Variants in B3GALT1 observed in about 807,000 individuals in gnomAD.
B3GALT1 encodes the protein beta-1,3-galactosyltransferase 1.
In B3GALT1, 10 loss-of-function variants were observed where a neutral mutation model predicts 23.2. The observed-to-expected ratio is 0.43, with a 90% CI of 0.27 to 0.73. B3GALT1 has a LOEUF of 0.73. Ranked by LOEUF, B3GALT1 falls within the 30% of genes least tolerant of loss-of-function variation. B3GALT1 has a pLI of 0.21. For synonymous variants in B3GALT1, 156 were observed against 141.5 expected, an observed-to-expected ratio of 1.10 and a Z score of -0.73; for missense variants, 299 against 405.4, an observed-to-expected ratio of 0.74 and a Z score of 2.25.
intron 2 of B3GALT1, among the ~76,000 whole-genome samples, chr2:167,598,123 A>G (rs1005039829): frequency 6.6e-5 from 10 of 152,186 alleles, no homozygotes; most frequent in African/African-American, 1.9e-4. Context: ...TCTAGCAGAT[A>G]TTATGTGGAT....
intron 1 of B3GALT1, among the ~76,000 whole-genome samples, chr2:167,339,109 A>G (rs6743941): frequency 0.85 from 129,016 of 152,066 alleles, 56,269 homozygotes; most frequent in Non-Finnish European, 0.96. Flanking sequence ...TTTTATGTGT[A>G]TACTCCGAAG....
At chr2:167,650,993 C>A (rs1433824626) in intron 3 of B3GALT1, among the ~76,000 whole-genome samples, 1 of 151,846 alleles carries the variant, frequency 6.6e-6, no homozygotes, top group African/African-American at 2.4e-5. Flanking sequence ...TGCTTTAAAA[C>A]AAAATTCTTA....
chr2:167,655,682 A>T (rs182820311), intron 3 of B3GALT1, among the ~76,000 whole-genome samples: 76 of 152,294 alleles, frequency 5.0e-4, no homozygotes, highest in African/African-American at 1.7e-3. Flanking sequence ...ATGGGAGGCT[A>T]ACATCTTCCA....
At chr2:167,668,599 G>A (rs1271236770) in intron 3 of B3GALT1, among the ~76,000 whole-genome samples, 1 of 152,126 alleles carries the variant, frequency 6.6e-6, no homozygotes, top group Non-Finnish European at 1.5e-5. Flanking sequence ...AGCAATCAGC[G>A]AGACTCCGTG....
intron 4 of B3GALT1, among the ~76,000 whole-genome samples, chr2:167,836,136 A>C (rs1254725675): frequency 6.6e-6 from 1 of 152,224 alleles, no homozygotes; most frequent in Admixed American, 6.5e-5. Flanking sequence ...TCCTCCTCCA[A>C]AGTATCGCAG....
At chr2:167,630,862 G>A (rs138302308) in intron 2 of B3GALT1, among the ~76,000 whole-genome samples, 4 of 151,722 alleles carry the variant, frequency 2.6e-5, no homozygotes, top group Non-Finnish European at 5.9e-5. Context: ...GCCAAGGAGT[G>A]TACAGAATAG....
At chr2:167,525,428 TA>T (rs1461956205) in intron 2 of B3GALT1, among the ~76,000 whole-genome samples, 2 of 152,222 alleles carry the variant, frequency 1.3e-5, no homozygotes, top group African/African-American at 4.8e-5. Flanking sequence ...TATTTTGTAA[TA>T]TTTTTAAATT....
chr2:167,377,884 G>A (rs537658581), intron 1 of B3GALT1, among the ~76,000 whole-genome samples: 2 of 152,232 alleles, frequency 1.3e-5, no homozygotes, highest in East Asian at 3.9e-4. Flanking sequence ...TGGCTGCTAT[G>A]TAGTTTGTAC....
intron 2 of B3GALT1, among the ~76,000 whole-genome samples, chr2:167,510,247 C>T (rs1401365446): frequency 6.6e-6 from 1 of 152,046 alleles, no homozygotes; most frequent in Non-Finnish European, 1.5e-5. Context: ...TGCTCTGGTT[C>T]AAATTTAACA....
At chr2:167,686,449 T>C (rs955468849) in intron 3 of B3GALT1, among the ~76,000 whole-genome samples, 10 of 152,200 alleles carry the variant, frequency 6.6e-5, no homozygotes, top group Non-Finnish European at 1.2e-4. Context: ...GGAATCTAGA[T>C]TGTTTTTTGT....
intron 2 of B3GALT1, among the ~76,000 whole-genome samples, chr2:167,632,706 A>T (rs1685471830): frequency 6.6e-6 from 1 of 151,782 alleles, no homozygotes; most frequent in Non-Finnish European, 1.5e-5. Flanking sequence ...GCCCTTTGTG[A>T]GATGGACAGA....
intron 4 of B3GALT1, among the ~76,000 whole-genome samples, chr2:167,841,000 G>A (rs1265588985): frequency 3.1e-5 from 4 of 127,904 alleles, no homozygotes; most frequent in Non-Finnish European, 4.8e-5. Context: ...ACAGGAATGG[G>A]AACATCATAC....
intron 1 of B3GALT1, among the ~76,000 whole-genome samples, chr2:167,350,196 A>G (rs371671161): frequency 2.0e-5 from 3 of 152,198 alleles, no homozygotes; most frequent in Non-Finnish European, 2.9e-5. Flanking sequence ...AGTAACTGCC[A>G]TACTCATTTA....
chr2:167,342,440 A>C (rs535231434), intron 1 of B3GALT1, among the ~76,000 whole-genome samples: 106 of 152,062 alleles, frequency 7.0e-4, no homozygotes, highest in Non-Finnish European at 1.3e-3. Context: ...ATACAAAAAA[A>C]TTAGCCTGGT....
chr2:167,451,434 G>A (rs1699089185), intron 1 of B3GALT1, among the ~76,000 whole-genome samples: 1 of 152,098 alleles, frequency 6.6e-6, no homozygotes, highest in South Asian at 2.1e-4. Context: ...GTGGCTTCCT[G>A]ACAGGTGAGC....
chr2:167,502,915 T>C lies in B3GALT1; in HGVS notation c.-410+12638T>C, dbSNP rs537606763. 2.0e-5 allele frequency among the ~76,000 whole-genome samples: 3 copies of C among 152,180 alleles called. No individual in the cohort carries two copies. The East Asian group carries it at 5.8e-4, about 30-fold the overall frequency. ...TTAGCTGGGCATGGTGGCAGGCGCCTGTAATCTCAGCTACTCGGGAGGCTG... is the reference window on the plus strand; with the variant it reads ...TTAGCTGGGCATGGTGGCAGGCGCCCGTAATCTCAGCTACTCGGGAGGCTG... On this transcript the variant is annotated intron_variant, in intron 2 of 4. Transcript: ENST00000392690.
At chr2:167,527,141 A>G (rs924489824) in intron 2 of B3GALT1, among the ~76,000 whole-genome samples, 2 of 151,804 alleles carry the variant, frequency 1.3e-5, no homozygotes, top group Non-Finnish European at 2.9e-5. Flanking sequence ...CTTTTTTCCT[A>G]TTTCTCATTT....
At position 167,315,144 on chromosome 2, in the gene B3GALT1, T is replaced by G. The variant is rs74952345; in HGVS notation, c.-511+21810T>G. On this transcript the variant is annotated intron_variant, in intron 1 of 4. Transcript: ENST00000392690. ...ACTCTTTAAAAAAAGAAGAGCTTGT[T>G]TGACATAATAAAATGTAAGCCAGAG... Among the ~76,000 whole-genome samples, 228 of 152,256 alleles carry G rather than the reference T, an allele frequency of 1.5e-3. 2 individuals carry two copies. In the East Asian group the frequency reaches 0.018, roughly 12 times the overall value.
chr2:167,564,307 C>T (rs1325756178), intron 2 of B3GALT1, among the ~76,000 whole-genome samples: 4 of 151,294 alleles, frequency 2.6e-5, no homozygotes, highest in Admixed American at 2.0e-4. Context: ...GATGTGATGG[C>T]GGCCGGGAAG....
Sources: allele counts gnomAD v4.1 joint callset (sites outside exome capture counted in the v4.1 genomes callset), GRCh38; gene constraint gnomAD v4.1.1; transcripts MANE v1.5; gene names NCBI Gene and HGNC (gene_info 2026-07-23, HGNC 2026-07-21).